The following HNF1B variants were observed in gnomAD, a reference collection of about 807,000 sequenced individuals.
HNF1B encodes the protein hepatocyte nuclear factor 1-beta.
HNF1B carries 8 observed loss-of-function variants against 61.7 expected under a neutral mutation model. That is an observed-to-expected ratio of 0.13 (90% CI 0.08 to 0.23). The LOEUF (loss-of-function observed/expected upper bound fraction) is 0.23, where lower values mean the gene tolerates loss of function less well. HNF1B is among the 10% of genes least tolerant of loss of function. The pLI is 1.00. For missense variants in HNF1B, 562 were observed against 714.5 expected, an observed-to-expected ratio of 0.79 and a Z score of 2.43; for synonymous variants, 314 against 287.7, an observed-to-expected ratio of 1.09 and a Z score of -0.93.
At chr17:37,700,296 GA>G (rs1467394549) in intron 7 of HNF1B, among the ~76,000 whole-genome samples, 1 of 152,264 alleles carries the variant, frequency 6.6e-6, no homozygotes, top group African/African-American at 2.4e-5. Flanking sequence ...GAAAGGCAGA[GA>G]AACAGAGGAT....
intron 4 of HNF1B, among the ~76,000 whole-genome samples, chr17:37,723,478 C>T (rs2033392369): frequency 6.6e-6 from 1 of 152,226 alleles, no homozygotes; most frequent in South Asian, 2.1e-4. Context: ...CCTCTGCCCC[C>T]ACCAATCCAT....
chr17:37,697,995 A>G (rs1314139820), intron 8 of HNF1B, among the ~76,000 whole-genome samples: 1 of 152,084 alleles, frequency 6.6e-6, no homozygotes, highest in Admixed American at 6.6e-5. Flanking sequence ...CAGAACCAGG[A>G]ATAGAACCCA....
At chr17:37,740,380 A>G (rs977389726) in intron 1 of HNF1B, among the ~76,000 whole-genome samples, 1 of 152,194 alleles carries the variant, frequency 6.6e-6, no homozygotes, top group Non-Finnish European at 1.5e-5. Flanking sequence ...TGATCCTACA[A>G]TGAAGTAGGG....
chr17:37,698,687 A>T (rs191426870), intron 8 of HNF1B, among the ~76,000 whole-genome samples: 53 of 152,186 alleles, frequency 3.5e-4, no homozygotes, highest in Admixed American at 2.6e-3. Context: ...ATCCTCAGGG[A>T]TCCCTCTTGC....
In HNF1B at chr17:37,705,615, T is replaced by A. The variant is rs76992926; in HGVS notation, c.1207-566A>T. 2.1e-4 allele frequency among the ~76,000 whole-genome samples: 32 copies of A among 152,348 alleles called. No individual in the cohort carries two copies. The East Asian group carries it at 6.2e-3, about 29-fold the overall frequency. On this transcript the variant is annotated intron_variant, in intron 5 of 8. Transcript: ENST00000617811. Reference sequence around the variant, plus strand: ...CAGATTAGTATGAGAAAGCTACTGATTTTGGTGTATTTACTTTGTACATGA... The same window carrying A: ...CAGATTAGTATGAGAAAGCTACTGAATTTGGTGTATTTACTTTGTACATGA...
At position 37,697,195 on chromosome 17, in the gene HNF1B, G is replaced by T. The variant is rs898146006; in HGVS notation, c.1653+1881C>A. 5.3e-5 allele frequency among the ~76,000 whole-genome samples: 8 copies of T among 152,328 alleles called. No homozygotes were observed. The East Asian group carries it at 1.5e-3, about 29-fold the overall frequency. ...TGTACTTAGGAGGTTGCAGTAAAAA[G>T]AAAACAATGAGACAATGTTCATGAG... On this transcript the variant is annotated intron_variant, in intron 8 of 8. Transcript: ENST00000617811.
chr17:37,731,772 A>G lies in HNF1B; in HGVS notation c.868T>C (p.Leu290=). Residue 290 remains leucine (L), a synonymous_variant, in exon 4 of 9, where the codon TTG becomes CTG. Coordinates refer to ENST00000617811, the MANE Select transcript of HNF1B (RefSeq NM_000458.4). ...TTGTAGACACGGACCTCAGTGACCA[A>G]GTTGGAGCCCAGGCCGTGGGCTTTG... ...PSKAHGLGSN[L]VTEVRVYNWF... The G allele has an allele frequency of 1.2e-6, 2 of 1,602,038 alleles. No individual in the cohort carries two copies. Among genetic ancestry groups the G allele is most frequent in the Non-Finnish European group, 1.7e-6 (2 of 1,173,222 alleles).
intron 6 of HNF1B, among the ~76,000 whole-genome samples, chr17:37,702,732 G>T (rs1236240017): frequency 6.6e-6 from 1 of 152,196 alleles, no homozygotes; most frequent in East Asian, 1.9e-4. Flanking sequence ...ATCATCTGGG[G>T]GAGCTCTTTA....
chr17:37,738,398 T>C (rs1568669689), intron 2 of HNF1B, among the ~76,000 whole-genome samples: 2 of 152,062 alleles, frequency 1.3e-5, no homozygotes, highest in African/African-American at 2.4e-5. Flanking sequence ...TTCAGAGCAG[T>C]GTGTAACAGA....
intron 6 of HNF1B, among the ~76,000 whole-genome samples, chr17:37,703,839 G>A (rs1458382141): frequency 2.6e-5 from 4 of 152,166 alleles, no homozygotes; most frequent in Non-Finnish European, 5.9e-5. Flanking sequence ...CAAAGGATGT[G>A]TAAGTCATTC....
chr17:37,686,866 A>T lies in HNF1B; in HGVS notation c.*506T>A. 3.6e-6 allele frequency: 1 copy of T among 280,528 alleles called. No homozygotes were observed. Among genetic ancestry groups the T allele is most frequent in the East Asian group, 8.6e-5 (1 of 11,598 alleles). The allele number at this position is 280,528 out of a possible 1,614,324, so 17.4% of individuals were successfully genotyped here. ...CAGAGGGGAAATTGCACTTAATTAC[A>T]GTAGTTTATAGTTTACAGCCATTGG... is the stretch of plus-strand genomic sequence containing the variant. On this transcript the variant is annotated 3_prime_UTR_variant, in exon 9 of 9. Coordinates refer to ENST00000617811, the MANE Select transcript of HNF1B (RefSeq NM_000458.4).
chr17:37,740,168 C>T (rs1386140333), intron 1 of HNF1B, among the ~76,000 whole-genome samples: 2 of 152,062 alleles, frequency 1.3e-5, no homozygotes, highest in Non-Finnish European at 2.9e-5. Flanking sequence ...GGGGTTTCAC[C>T]ATGTTGGCCA....
chr17:37,710,694 A>G, intron 4 of HNF1B, 31 bp from the exon 5 acceptor site: 2 of 1,604,350 alleles, frequency 1.2e-6, no homozygotes, highest in Non-Finnish European at 1.7e-6. Context: ...AGTAGGGAAC[A>G]TTAGTGCCAC....
chr17:37,698,377 C>T (rs577364614), intron 8 of HNF1B, among the ~76,000 whole-genome samples: 2 of 152,256 alleles, frequency 1.3e-5, no homozygotes, highest in East Asian at 1.9e-4. Context: ...ATGAGCCTCG[C>T]CATCAGCTGC....
chr17:37,703,091 C>A (rs568676489), intron 6 of HNF1B, among the ~76,000 whole-genome samples: 33 of 152,334 alleles, frequency 2.2e-4, no homozygotes, highest in African/African-American at 7.5e-4. Flanking sequence ...TGAGGCAGGG[C>A]CCATGGTACT....
intron 4 of HNF1B, among the ~76,000 whole-genome samples, chr17:37,720,266 G>A (rs1222360481): frequency 5.3e-5 from 8 of 152,162 alleles, no homozygotes; most frequent in Non-Finnish European, 1.0e-4. Context: ...AGGGATCCTG[G>A]TAAGAGATTT....
chr17:37,699,232 C>T (rs765196642), intron 7 of HNF1B, 38 bp from the exon 8 acceptor site: 2 of 1,513,368 alleles, frequency 1.3e-6, no homozygotes, highest in Non-Finnish European at 1.8e-6. Context: ...AAGGTGCATA[C>T]ACAGGCAAAG....
At chr17:37,737,210 A>T (rs116090477) in intron 2 of HNF1B, among the ~76,000 whole-genome samples, 1 of 152,070 alleles carries the variant, frequency 6.6e-6, no homozygotes, top group Non-Finnish European at 1.5e-5. Flanking sequence ...CCTAATTCTT[A>T]TATCATGCTT....
At chr17:37,743,251 C>T (rs1218303868) in intron 1 of HNF1B, among the ~76,000 whole-genome samples, 4 of 152,166 alleles carry the variant, frequency 2.6e-5, no homozygotes, top group Non-Finnish European at 4.4e-5. Context: ...GCAGCCCTGG[C>T]GCCCCAGCCG....
Sources: allele counts gnomAD v4.1 joint callset (sites outside exome capture counted in the v4.1 genomes callset), GRCh38; gene constraint gnomAD v4.1.1; transcripts MANE v1.5; gene names NCBI Gene and HGNC (gene_info 2026-07-23, HGNC 2026-07-21).